GRIN2A: variants seen among roughly 807,000 people sequenced by gnomAD.
The protein encoded by GRIN2A is glutamate receptor ionotropic, NMDA 2A.
A neutral mutation model predicts 113.4 loss-of-function variants in GRIN2A; 22 were observed. The ratio of observed to expected loss-of-function variants is 0.19; its 90% CI spans 0.14 to 0.28. The LOEUF (loss-of-function observed/expected upper bound fraction) is 0.28, where lower values mean the gene tolerates loss of function less well. GRIN2A is among the 10% of genes least tolerant of loss of function. The pLI is 1.00. For synonymous variants in GRIN2A, 827 were observed against 738.4 expected (o/e 1.12, Z -1.94); for missense variants, 1,502 against 1,887.0 (o/e 0.80, Z 3.78).
intron 2 of GRIN2A, among the ~76,000 whole-genome samples, chr16:10,029,868 A>G (rs952855866): frequency 6.6e-6 from 1 of 152,012 alleles, no homozygotes; most frequent in Non-Finnish European, 1.5e-5. Flanking sequence ...GTGGTGCTGC[A>G]TGCCTGTAAT....
chr16:9,792,453 G>T (rs973058251), intron 11 of GRIN2A, among the ~76,000 whole-genome samples: 2 of 152,044 alleles, frequency 1.3e-5, no homozygotes, highest in African/African-American at 4.8e-5. Flanking sequence ...TGACCTCCTG[G>T]ATTCAAGCAA....
At chr16:9,769,835 T>TG (rs1491544669) in intron 11 of GRIN2A, among the ~76,000 whole-genome samples, 1 of 152,208 alleles carries the variant, frequency 6.6e-6, no homozygotes, top group Non-Finnish European at 1.5e-5. Context: ...TCCTCAAATA[T>TG]GTGTGTTTCT....
chr16:10,047,411 CT>C (rs1351507321), intron 2 of GRIN2A, among the ~76,000 whole-genome samples: 3 of 152,188 alleles, frequency 2.0e-5, no homozygotes, highest in African/African-American at 7.2e-5. Context: ...AACAAAGTGC[CT>C]GGCAAACAAT....
intron 11 of GRIN2A, among the ~76,000 whole-genome samples, chr16:9,780,813 G>C (rs1367154590): frequency 6.6e-6 from 1 of 152,210 alleles, no homozygotes; most frequent in East Asian, 1.9e-4. Flanking sequence ...GAAGAAAACA[G>C]ACTTTCTAAA....
intron 11 of GRIN2A, among the ~76,000 whole-genome samples, chr16:9,784,425 TAAC>T (rs768819712): frequency 3.6e-4 from 42 of 117,106 alleles, no homozygotes; most frequent in Non-Finnish European, 5.6e-4. Flanking sequence ...AGCAAAACTC[TAAC>T]AACAACAACA....
At position 9,834,113 on chromosome 16, in the gene GRIN2A, T is replaced by C; in HGVS notation, c.1769A>G (p.Lys590Arg). The C allele has an allele frequency of 6.2e-7, 1 of 1,613,756 alleles. No individual in the cohort carries two copies. Among genetic ancestry groups the C allele is most frequent in the Non-Finnish European group, 8.5e-7 (1 of 1,179,642 alleles). ...CATGAAGGTACCCTTACCTTTCCCT[T>C]TGGCTAAGTTTCTGTTGTATCCAAC... ...SPVGYNRNLAKGKAPHGPSFT... is the reference protein window; with the variant it reads ...SPVGYNRNLARGKAPHGPSFT... Residue 590 changes from lysine to arginine, a missense_variant, in exon 8 of 13, where the codon AAA becomes AGA. Lys to Arg is a conservative substitution (Grantham distance 26). This residue lies in a region of GRIN2A where 82 missense variants were observed against 222.7 expected (regional missense o/e 0.37). Transcript: ENST00000330684.
Position 9,938,117 on chromosome 16 carries a change from G to A in GRIN2A, c.849C>T (p.Asp283=), listed in dbSNP as rs1310825263. 6.2e-7 allele frequency: 1 copy of A among 1,613,966 alleles called. No individual in the cohort carries two copies. The highest frequency in any genetic ancestry group is 8.5e-7 in the Non-Finnish European group (1 of 1,179,988). The change falls in exon 3 of 13, where the codon GAC becomes GAT. Residue 283 remains aspartate, a synonymous_variant. Coordinates refer to ENST00000330684, the MANE Select transcript of GRIN2A (RefSeq NM_001134407.3). ...PSGLISVSYD[D]WDYSLEARVR... ...CTCTCGCCTCCAGGCTGTAGTCCCA[G>A]TCATCGTAGGAGACAGAAATGAGTC...
At chr16:9,850,508 G>C (rs1013517942) in intron 4 of GRIN2A, among the ~76,000 whole-genome samples, 2 of 152,226 alleles carry the variant, frequency 1.3e-5, no homozygotes, top group Admixed American at 6.5e-5. Flanking sequence ...GTATAAAGGA[G>C]AGAAAGTGAA....
chr16:9,946,502 T>C (rs2045020842), intron 2 of GRIN2A, among the ~76,000 whole-genome samples: 1 of 152,172 alleles, frequency 6.6e-6, no homozygotes, highest in Non-Finnish European at 1.5e-5. Context: ...CCCTTTTTTT[T>C]CATGAAGCAT....
At position 9,760,346 on chromosome 16, in the gene GRIN2A, T is replaced by C. The variant is rs16966263; in HGVS notation, c.*2803A>G. 7,792 of 197,038 alleles carry C rather than the reference T, an allele frequency of 0.04. 419 individuals are homozygous for C. The highest frequency in any genetic ancestry group is 0.14 in the African/African-American group (5,881 of 41,486). The allele number at this position is 197,038 out of a possible 1,614,324, so 12.2% of individuals were successfully genotyped here. On this transcript the variant is annotated 3_prime_UTR_variant, in exon 13 of 13. Coordinates refer to ENST00000330684, the MANE Select transcript of GRIN2A (RefSeq NM_001134407.3). ...TTTGAATAACTCTACATCTTTTCCTTAGAAATTGACCATCTGATCAGTAGT... is the reference window on the plus strand; with the variant it reads ...TTTGAATAACTCTACATCTTTTCCTCAGAAATTGACCATCTGATCAGTAGT...
chr16:9,924,379 C>A (rs1488865237), intron 3 of GRIN2A, among the ~76,000 whole-genome samples: 1 of 152,126 alleles, frequency 6.6e-6, no homozygotes, highest in African/African-American at 2.4e-5. Flanking sequence ...TGTTTTCTTT[C>A]AGTACAAAAT....
chr16:9,816,479 TTGTACA>T (rs1261663616), intron 10 of GRIN2A, among the ~76,000 whole-genome samples: 1 of 152,168 alleles, frequency 6.6e-6, no homozygotes, highest in Non-Finnish European at 1.5e-5. Flanking sequence ...ACACCCAGAC[TTGTACA>T]TGAAAATCAA....
intron 2 of GRIN2A, among the ~76,000 whole-genome samples, chr16:9,941,346 A>C (rs2044870254): frequency 6.6e-6 from 1 of 152,220 alleles, no homozygotes; most frequent in Non-Finnish European, 1.5e-5. Context: ...AGCTGTAAGC[A>C]CACGCATCTT....
intron 2 of GRIN2A, among the ~76,000 whole-genome samples, chr16:9,994,752 T>C (rs1304021301): frequency 6.6e-6 from 1 of 152,140 alleles, no homozygotes; most frequent in Non-Finnish European, 1.5e-5. Context: ...TGGAAAAACG[T>C]AAGGGAGAAT....
intron 11 of GRIN2A, among the ~76,000 whole-genome samples, chr16:9,770,285 G>C (rs1901188593): frequency 6.6e-6 from 1 of 152,124 alleles, no homozygotes; most frequent in Admixed American, 6.5e-5. Flanking sequence ...TGATCTCTAA[G>C]ATGTAATGGG....
At chr16:9,889,006 CAT>C (rs1567374681) in intron 4 of GRIN2A, among the ~76,000 whole-genome samples, 2 of 152,024 alleles carry the variant, frequency 1.3e-5, no homozygotes, top group East Asian at 1.9e-4. Context: ...TGATTAGTAA[CAT>C]ATTGAAAAAC....
chr16:10,111,313 T>C, intron 2 of GRIN2A: 1 of 382,116 alleles, frequency 2.6e-6, no homozygotes, highest in South Asian at 2.2e-5. Context: ...GCCCACAGCG[T>C]CAGCAGCAGC....
intron 3 of GRIN2A, among the ~76,000 whole-genome samples, chr16:9,904,531 C>A (rs527540918): frequency 3.7e-4 from 57 of 152,206 alleles, no homozygotes; most frequent in African/African-American, 1.3e-3. Flanking sequence ...ACCACCAAGC[C>A]CAGCTAATTT....
intron 4 of GRIN2A, among the ~76,000 whole-genome samples, chr16:9,857,049 C>T (rs577880999): frequency 1.3e-5 from 2 of 152,042 alleles, no homozygotes; most frequent in African/African-American, 2.4e-5. Context: ...CTTATAACCT[C>T]GGTGTAATTA....
Sources: gnomAD v4.1 joint callset for allele counts (sites outside exome capture counted in the v4.1 genomes callset) on GRCh38, gnomAD v4.1.1 for gene constraint, gnomAD v4.1.1 regional missense constraint, MANE v1.5 for transcripts, NCBI Gene and HGNC (gene_info 2026-07-23, HGNC 2026-07-21) for gene names.